The following LRMDA variants were observed in gnomAD, a reference collection of about 807,000 sequenced individuals.
The protein encoded by LRMDA is leucine-rich melanocyte differentiation-associated protein.
LRMDA carries 18 observed loss-of-function variants against 29.8 expected under a neutral mutation model. The ratio of observed to expected loss-of-function variants is 0.60; its 90% CI spans 0.42 to 0.90. The LOEUF is 0.90. Among genes scored for constraint, LRMDA ranks in the 40% least tolerant of loss-of-function variants. The pLI is 0.00. For missense variants in LRMDA, 273 were observed against 273.9 expected, an observed-to-expected ratio of 1.00 and a Z score of 0.02; for synonymous variants, 125 against 109.4, an observed-to-expected ratio of 1.14 and a Z score of -0.89.
intron 5 of LRMDA, 62 bp from the exon 6 acceptor site, chr10:76,324,339 T>G (rs1840807056): frequency 1.9e-5 from 26 of 1,379,546 alleles, no homozygotes; most frequent in Non-Finnish European, 2.6e-5. Context: ...GTCTGGTAAA[T>G]GAGGGTATTT....
At chr10:75,607,440 A>G (rs1386494673) in intron 2 of LRMDA, among the ~76,000 whole-genome samples, 9 of 152,200 alleles carry the variant, frequency 5.9e-5, no homozygotes, top group Non-Finnish European at 1.5e-5. Flanking sequence ...CATTTCATGT[A>G]ATACTGTATT....
intron 2 of LRMDA, among the ~76,000 whole-genome samples, chr10:76,035,213 C>T (rs1848220440): frequency 6.6e-6 from 1 of 151,538 alleles, no homozygotes; most frequent in Admixed American, 6.6e-5. Flanking sequence ...AGTGAGAAAT[C>T]CACTTTCCAT....
At chr10:76,392,623 A>C (rs894603953) in intron 6 of LRMDA, among the ~76,000 whole-genome samples, 4 of 152,082 alleles carry the variant, frequency 2.6e-5, no homozygotes, top group Admixed American at 2.6e-4. Flanking sequence ...TTAGGATATC[A>C]GATTCTCAGA....
At chr10:76,149,882 G>T (rs1850405795) in intron 5 of LRMDA, among the ~76,000 whole-genome samples, 1 of 152,172 alleles carries the variant, frequency 6.6e-6, no homozygotes, top group Admixed American at 6.5e-5. Context: ...CAGACACCTG[G>T]TTGGAAACAG....
At chr10:75,952,489 C>G (rs1487390878) in intron 2 of LRMDA, among the ~76,000 whole-genome samples, 1 of 152,102 alleles carries the variant, frequency 6.6e-6, no homozygotes, top group East Asian at 1.9e-4. Flanking sequence ...CGTTTGTGTT[C>G]TCTCCCACTC....
chr10:76,422,390 G>A (rs1301207341), intron 6 of LRMDA, among the ~76,000 whole-genome samples: 1 of 151,984 alleles, frequency 6.6e-6, no homozygotes, highest in East Asian at 1.9e-4. Context: ...CTCAGTGGGA[G>A]CATTGGTCTT....
At chr10:75,639,002 G>A (rs566651583) in intron 2 of LRMDA, among the ~76,000 whole-genome samples, 1 of 152,258 alleles carries the variant, frequency 6.6e-6, no homozygotes, top group South Asian at 2.1e-4. Flanking sequence ...CATTTGTTTA[G>A]TAAACTCCAG....
chr10:76,162,204 GA>G (rs1334416486), intron 5 of LRMDA, among the ~76,000 whole-genome samples: 3 of 152,154 alleles, frequency 2.0e-5, no homozygotes, highest in African/African-American at 7.2e-5. Context: ...GTGCTTTCAA[GA>G]AAGTGCTTAC....
chr10:76,227,548 G>A (rs1851982631), intron 5 of LRMDA, among the ~76,000 whole-genome samples: 1 of 152,104 alleles, frequency 6.6e-6, no homozygotes, highest in Non-Finnish European at 1.5e-5. Context: ...ATTTCCCAAG[G>A]CCCTGATAGT....
intron 2 of LRMDA, among the ~76,000 whole-genome samples, chr10:75,978,504 G>A (rs1003075962): frequency 5.3e-5 from 8 of 152,200 alleles, no homozygotes; most frequent in African/African-American, 1.9e-4. Context: ...TAGTCACAGA[G>A]CCACAGCTAG....
chr10:76,269,037 G>A (rs1326421503), intron 5 of LRMDA, among the ~76,000 whole-genome samples: 1 of 152,050 alleles, frequency 6.6e-6, no homozygotes, highest in Non-Finnish European at 1.5e-5. Context: ...CTGGGCCACC[G>A]AATATTTATA....
chr10:75,968,117 A>G (rs1428379703), intron 2 of LRMDA, among the ~76,000 whole-genome samples: 1 of 151,878 alleles, frequency 6.6e-6, no homozygotes, highest in African/African-American at 2.4e-5. Context: ...GAGTGCTCGC[A>G]GCATCTCTCC....
At chr10:76,495,311 A>G (rs891730221) in intron 6 of LRMDA, among the ~76,000 whole-genome samples, 4 of 151,924 alleles carry the variant, frequency 2.6e-5, no homozygotes, top group African/African-American at 9.7e-5. Context: ...TTATTAAAAA[A>G]TAATTGATCA....
In LRMDA at chr10:76,498,322, T is replaced by A. The variant is rs370341897; in HGVS notation, c.602-58887T>A. On this transcript the variant is annotated intron_variant, in intron 6 of 6. Transcript: ENST00000611255. Reference sequence around the variant, plus strand: ...CACTGTGTTAGGAGGTTCCTTAGATTAATGGCAGCCCTGGTTCTCTGAGGC... The same window carrying A: ...CACTGTGTTAGGAGGTTCCTTAGATAAATGGCAGCCCTGGTTCTCTGAGGC... Among the ~76,000 whole-genome samples the A allele has an allele frequency of 6.6e-5, 5 of 75,392 alleles. 1 individual carries two copies. Among genetic ancestry groups the A allele is most frequent in the Admixed American group, 4.9e-4 (4 of 8,084 alleles). 49.5% of individuals were successfully genotyped at this position (75,392 alleles called of 152,430 possible).
At chr10:76,425,857 G>GT (rs762248557) in intron 6 of LRMDA, among the ~76,000 whole-genome samples, 3 of 151,700 alleles carry the variant, frequency 2.0e-5, no homozygotes, top group African/African-American at 7.3e-5. Context: ...GCAGTGTTTG[G>GT]TTTTTTGTCC....
intron 2 of LRMDA, among the ~76,000 whole-genome samples, chr10:75,570,846 G>T (rs149567793): frequency 6.6e-6 from 1 of 152,104 alleles, no homozygotes; most frequent in Non-Finnish European, 1.5e-5. Context: ...CTTTTTGGCC[G>T]TAAAATTCCA....
rs564295059 is a variant in LRMDA at position 76,180,595 on chromosome 10, CAG to C, written c.516+121816_516+121817del. On this transcript the variant is annotated intron_variant, in intron 5 of 6. Coordinates refer to ENST00000611255, the MANE Select transcript of LRMDA (RefSeq NM_001305581.2). ...CACCTGGCCTGGAAGGAACCTTTAA[CAG>C]AGACTTTTATAGATACCTCTGAGGT... 8.9e-4 allele frequency among the ~76,000 whole-genome samples: 136 copies of C among 152,046 alleles called. 3 individuals carry two copies. Among genetic ancestry groups the C allele is most frequent in the Admixed American group, 8.7e-3 (133 of 15,252 alleles).
chr10:75,979,741 C>T (rs1460190775), intron 2 of LRMDA, among the ~76,000 whole-genome samples: 4 of 152,116 alleles, frequency 2.6e-5, no homozygotes, highest in Non-Finnish European at 5.9e-5. Flanking sequence ...TTTCTTCCCA[C>T]ACCCCAATTA....
chr10:75,466,930 T>C (rs1197459085), intron 2 of LRMDA, among the ~76,000 whole-genome samples: 2 of 152,014 alleles, frequency 1.3e-5, no homozygotes, highest in African/African-American at 2.4e-5. Flanking sequence ...ATAGGTTTAG[T>C]TGGTGATTTA....
Sources: allele counts gnomAD v4.1 joint callset (sites outside exome capture counted in the v4.1 genomes callset), GRCh38; gene constraint gnomAD v4.1.1; transcripts MANE v1.5; gene names NCBI Gene and HGNC (gene_info 2026-07-23, HGNC 2026-07-21).